The following AKAP13 variants were observed in gnomAD, a reference collection of about 807,000 sequenced individuals.
The protein encoded by AKAP13 is A-kinase anchor protein 13.
AKAP13 carries 80 observed loss-of-function variants against 264.5 expected under a neutral mutation model. The ratio of observed to expected loss-of-function variants is 0.30; its 90% CI spans 0.25 to 0.36. AKAP13 has a LOEUF of 0.36. Among genes scored for constraint, AKAP13 ranks in the 10% least tolerant of loss-of-function variants. AKAP13 has a pLI of 1.00. For missense variants in AKAP13, 3,712 were observed against 3,435.2 expected (o/e 1.08, Z -2.01); for synonymous variants, 1,380 against 1,250.2 (o/e 1.10, Z -2.19).
intron 30 of AKAP13, 97 bp downstream of exon 30, chr15:85,730,804 C>G: frequency 1.8e-6 from 2 of 1,111,482 alleles, no homozygotes; most frequent in Non-Finnish European, 2.5e-6. Flanking sequence ...CTTTAAAGCA[C>G]AAATGCAGAA....
chr15:85,583,166 T>C (rs1398381199), intron 7 of AKAP13: 14 of 985,322 alleles, frequency 1.4e-5, no homozygotes, highest in African/African-American at 1.7e-5. Context: ...CTTTTGTAGG[T>C]AAGAAGCAGC....
intron 8 of AKAP13, chr15:85,620,023 C>G (rs2081106849): frequency 1.3e-6 from 2 of 1,531,592 alleles, no homozygotes; most frequent in Admixed American, 2.0e-5. Flanking sequence ...TAAGGACTTG[C>G]ACTGGTCCCC....
Position 85,627,390 on chromosome 15 carries a change from C to T in AKAP13, c.4162-11984C>T, listed in dbSNP as rs1349743570. 2.0e-5 allele frequency among the ~76,000 whole-genome samples: 3 copies of T among 152,022 alleles called. No homozygotes were observed. In the South Asian group the frequency reaches 6.2e-4, roughly 32 times the overall value. ...TTTGTACTAGCTCTCTGATGTATAC[C>T]TTTTATGTGCTTCCCAGTCCAGGTA... is the stretch of plus-strand genomic sequence containing the variant. On this transcript the variant is annotated intron_variant, in intron 8 of 36. Transcript: ENST00000394518.
chr15:85,688,028 TC>T (rs1272478472), intron 16 of AKAP13, among the ~76,000 whole-genome samples: 12 of 56,604 alleles, frequency 2.1e-4, no homozygotes, highest in Admixed American at 6.5e-4. Flanking sequence ...AGACCCTGTC[TC>T]TTAAAAAAAA....
chr15:85,634,204 C>T (rs569055929), intron 8 of AKAP13, among the ~76,000 whole-genome samples: 4 of 128,468 alleles, frequency 3.1e-5, no homozygotes, highest in Admixed American at 7.5e-5. Flanking sequence ...AGTTTAATTC[C>T]TTTCATTCAT....
At chr15:85,698,911 T>C (rs1358577277) in intron 17 of AKAP13, among the ~76,000 whole-genome samples, 1 of 121,334 alleles carries the variant, frequency 8.2e-6, no homozygotes, top group East Asian at 2.5e-4. Flanking sequence ...GCCCCTGCAC[T>C]CCAGCCTGGG....
At chr15:85,631,484 T>TCC in intron 8 of AKAP13, among the ~76,000 whole-genome samples, 1 of 56,296 alleles carries the variant, frequency 1.8e-5, no homozygotes. Flanking sequence ...ACACACACTT[T>TCC]CTCTCTCTCT....
chr15:85,714,009 C>A (rs2086777068), intron 19 of AKAP13, among the ~76,000 whole-genome samples: 1 of 152,178 alleles, frequency 6.6e-6, no homozygotes, highest in African/African-American at 2.4e-5. Context: ...GGTGTGCCAG[C>A]CCCACCCCCA....
At chr15:85,684,546 A>G in intron 15 of AKAP13, 195 bp from the exon 16 acceptor site, 1 of 565,176 alleles carries the variant, frequency 1.8e-6, no homozygotes, top group Non-Finnish European at 3.1e-6. Flanking sequence ...ACTGTCTCCA[A>G]AACAGACAAG....
At position 85,645,889 on chromosome 15, in the gene AKAP13, T is replaced by A; in HGVS notation, c.4309T>A (p.Ser1437Thr). The change falls in exon 10 of 37, where the codon TCT (serine) becomes ACT (threonine). Residue 1437 changes from serine (S) to threonine (T), a missense_variant. By Grantham distance (58) the Ser-to-Thr change is moderately conservative. Transcript: ENST00000394518. ...TSKQGVLKRE[S>T]GSDSDLFHSP... is the part of the protein sequence containing the mutation. ...AAAACAAGGTGTACTTAAAAGAGAA[T>A]CTGGGAGTGATTCTGACCTCTTTCA... 6.2e-7 allele frequency: 1 copy of A among 1,613,536 alleles called. No homozygotes were observed. Among genetic ancestry groups the A allele is most frequent in the Non-Finnish European group, 8.5e-7 (1 of 1,179,798 alleles).
intron 29 of AKAP13, among the ~76,000 whole-genome samples, chr15:85,728,574 A>C (rs577404926): frequency 1.3e-5 from 2 of 152,368 alleles, no homozygotes; most frequent in South Asian, 4.1e-4. Flanking sequence ...TGGGCCACAC[A>C]GTGATTTATT....
intron 5 of AKAP13, among the ~76,000 whole-genome samples, chr15:85,562,574 A>ATAT (rs1555444891): frequency 1.3e-5 from 1 of 77,686 alleles, no homozygotes; most frequent in Non-Finnish European, 3.0e-5. Flanking sequence ...CAAAAAAAAA[A>ATAT]ATATATATAT....
chr15:85,725,707 T>C (rs1181663935), intron 26 of AKAP13, among the ~76,000 whole-genome samples: 1 of 152,150 alleles, frequency 6.6e-6, no homozygotes, highest in Non-Finnish European at 1.5e-5. Context: ...TAGCTCGAGA[T>C]AGACTCAACT....
chr15:85,729,347 C>T (rs945518311), intron 29 of AKAP13, among the ~76,000 whole-genome samples: 2 of 152,012 alleles, frequency 1.3e-5, no homozygotes, highest in African/African-American at 2.4e-5. Context: ...GGTGGTAGGA[C>T]AGAGTAAGGA....
At chr15:85,687,768 C>T (rs1387166368) in intron 16 of AKAP13, among the ~76,000 whole-genome samples, 1 of 152,012 alleles carries the variant, frequency 6.6e-6, no homozygotes, top group African/African-American at 2.4e-5. Context: ...GGGTGGGGCA[C>T]AGTGGTACAC....
chr15:85,733,616 A>G (rs562147204), intron 30 of AKAP13, among the ~76,000 whole-genome samples: 6 of 152,106 alleles, frequency 3.9e-5, no homozygotes, highest in South Asian at 4.2e-4. Flanking sequence ...TTCTTTGTCT[A>G]TCTTCAGTGT....
chr15:85,467,302 A>C (rs530117547), intron 1 of AKAP13, among the ~76,000 whole-genome samples: 6 of 132,406 alleles, frequency 4.5e-5, no homozygotes, highest in Admixed American at 1.5e-4. Flanking sequence ...TAGGTACTCA[A>C]TAAATGTTTG....
intron 6 of AKAP13, 148 bp downstream of exon 6, chr15:85,575,477 A>C (rs1419052964): frequency 1.3e-6 from 1 of 758,270 alleles, no homozygotes; most frequent in Non-Finnish European, 2.2e-6. Context: ...GCGGATCACG[A>C]GGTCAGGAGA....
chr15:85,442,421 A>ATAT (rs370698661), intron 1 of AKAP13, among the ~76,000 whole-genome samples: 22,941 of 114,648 alleles, frequency 0.2, 3,749 homozygotes, highest in Non-Finnish European at 0.31. Flanking sequence ...AAAAAAAAAA[A>ATAT]AAATATATAT....
Sources: gnomAD v4.1 joint callset for allele counts (sites outside exome capture counted in the v4.1 genomes callset) on GRCh38, gnomAD v4.1.1 for gene constraint, MANE v1.5 for transcripts, NCBI Gene and HGNC (gene_info 2026-07-23, HGNC 2026-07-21) for gene names.